The following LOC400499 variants were observed in gnomAD, a reference collection of about 807,000 sequenced individuals.
chr16:11,389,735 G>C, the LOC400499 span, among the ~76,000 whole-genome samples: 648 of 143,438 alleles, frequency 4.5e-3, 4 homozygotes, highest in African/African-American at 0.016. Flanking sequence ...GCAAGGAAAT[G>C]TGACAGAGCC....
chr16:11,491,967 G>A, the LOC400499 span: 1 of 395,042 alleles, frequency 2.5e-6, no homozygotes, highest in Non-Finnish European at 4.5e-6. Context: ...TGCCCCTACT[G>A]CGGGAGGCTT....
chr16:11,424,724 C>A, the LOC400499 span, among the ~76,000 whole-genome samples: 1 of 152,084 alleles, frequency 6.6e-6, no homozygotes, highest in Non-Finnish European at 1.5e-5. Context: ...CCCCTCCAGG[C>A]CTGGAGGTAA....
the LOC400499 span, among the ~76,000 whole-genome samples, chr16:11,397,596 A>C: frequency 2.6e-5 from 4 of 152,288 alleles, no homozygotes; most frequent in Non-Finnish European, 2.9e-5. Flanking sequence ...ACTGGAATAC[A>C]GCCGTAAGGA....
the LOC400499 span, chr16:11,462,159 C>A: frequency 6.5e-7 from 1 of 1,531,280 alleles, no homozygotes; most frequent in Non-Finnish European, 8.7e-7. Context: ...CTCAGCGATG[C>A]GGAGAAGGCC....
At chr16:11,396,523 G>C in the LOC400499 span, 1 of 1,232,206 alleles carries the variant, frequency 8.1e-7, no homozygotes, top group Non-Finnish European at 1.0e-6. Flanking sequence ...CCAGTGCCCC[G>C]GAGAAGTCAG....
chr16:11,390,344 G>A, the LOC400499 span: 6 of 1,233,650 alleles, frequency 4.9e-6, no homozygotes, highest in Non-Finnish European at 6.1e-6. Flanking sequence ...CCTTTGCCTG[G>A]CATCCCGGGC....
chr16:11,403,171 G>A, the LOC400499 span, among the ~76,000 whole-genome samples: 6 of 152,134 alleles, frequency 3.9e-5, no homozygotes, highest in African/African-American at 7.2e-5. Context: ...CCCTGTGCAC[G>A]CTGGTGACCT....
the LOC400499 span, among the ~76,000 whole-genome samples, chr16:11,400,370 G>A: frequency 6.6e-6 from 1 of 151,772 alleles, no homozygotes; most frequent in Admixed American, 6.6e-5. Context: ...CCCCCATGAG[G>A]CTCTCACTGA....
chr16:11,390,171 G>C, the LOC400499 span: 1 of 1,232,408 alleles, frequency 8.1e-7, no homozygotes, highest in Non-Finnish European at 1.0e-6. Flanking sequence ...TGAGAACGTG[G>C]CCTCAGCCCA....
the LOC400499 span, chr16:11,461,075 G>C: frequency 4.6e-6 from 7 of 1,536,074 alleles, no homozygotes; most frequent in Non-Finnish European, 5.2e-6. Flanking sequence ...TCGGCACCCA[G>C]GGCGGCCACC....
the LOC400499 span, among the ~76,000 whole-genome samples, chr16:11,493,476 T>C: frequency 6.6e-6 from 1 of 152,120 alleles, no homozygotes; most frequent in East Asian, 1.9e-4. Flanking sequence ...CTTCCCACAC[T>C]ACACACAGGC....
At chr16:11,514,294 G>A in the LOC400499 span, 5 of 398,968 alleles carry the variant, frequency 1.3e-5, no homozygotes, top group South Asian at 6.4e-4. Context: ...GCCTGCTTGG[G>A]CCCCTCTGGC....
At chr16:11,461,097 C>T in the LOC400499 span, 2 of 1,535,532 alleles carry the variant, frequency 1.3e-6, no homozygotes, top group African/African-American at 2.7e-5. Flanking sequence ...TCCGTCCATT[C>T]TCCTCCTTCC....
chr16:11,456,848 C>A, the LOC400499 span: 1 of 1,536,284 alleles, frequency 6.5e-7, no homozygotes, highest in South Asian at 1.2e-5. Context: ...GGCCCCACAG[C>A]CAACACTCAC....
the LOC400499 span, chr16:11,399,540 C>G: frequency 2.5e-6 from 1 of 398,700 alleles, no homozygotes; most frequent in African/African-American, 2.1e-5. Context: ...ACGAACACAG[C>G]TGGGGTCTGC....
chr16:11,515,744 G>GAAAAGGGAGGAGGAGGAGA, the LOC400499 span, among the ~76,000 whole-genome samples: 10 of 148,468 alleles, frequency 6.7e-5, no homozygotes, highest in East Asian at 9.9e-4. Context: ...GGAGGAGGAG[G>GAAAAGGGAGGAGGAGGAGA]AAAAGGGAGG....
chr16:11,477,787 A>C, the LOC400499 span: 2 of 398,436 alleles, frequency 5.0e-6, no homozygotes, highest in Non-Finnish European at 8.9e-6. Context: ...GGATCCCACC[A>C]CCTAACCTGC....
chr16:11,469,925 C>T, the LOC400499 span, among the ~76,000 whole-genome samples: 10 of 151,960 alleles, frequency 6.6e-5, no homozygotes, highest in Middle Eastern at 3.4e-3. Flanking sequence ...GTTTTGAGAC[C>T]GAGTCCCGCT....
the LOC400499 span, among the ~76,000 whole-genome samples, chr16:11,437,201 G>A: frequency 6.6e-6 from 1 of 152,156 alleles, no homozygotes; most frequent in Non-Finnish European, 1.5e-5. Context: ...GGATTTTTTA[G>A]GGCAGGGAAA....
Sources: allele counts gnomAD v4.1 joint callset (sites outside exome capture counted in the v4.1 genomes callset), GRCh38; gene constraint gnomAD v4.1.1; transcripts MANE v1.5.